The following UBA5 variants were observed in gnomAD, a reference collection of about 807,000 sequenced individuals.
UBA5 encodes the protein ubiquitin like modifier activating enzyme 5.
A neutral mutation model predicts 52.9 loss-of-function variants in UBA5; 28 were observed. That is an observed-to-expected ratio of 0.53 (90% CI 0.39 to 0.73). The LOEUF is 0.73. Among genes scored for constraint, UBA5 ranks in the 30% least tolerant of loss-of-function variants. The probability of loss-of-function intolerance (pLI) is 0.00; values close to 1 mark genes in which losing one functional copy is unlikely to be tolerated. For synonymous variants in UBA5, 135 were observed against 162.1 expected (o/e 0.83, Z 1.27); for missense variants, 388 against 492.7 (o/e 0.79, Z 2.01).
At position 132,677,647 on chromosome 3, in the gene UBA5, C is replaced by G. The variant is rs540654109; in HGVS notation, c.*1121C>G. The G allele has an allele frequency of 6.6e-6, 1 of 152,124 alleles. No individual in the cohort carries two copies. The highest frequency in any genetic ancestry group is 1.5e-5 in the Non-Finnish European group (1 of 68,000). The allele number at this position is 152,124 out of a possible 1,614,324, so 9.4% of individuals were successfully genotyped here. A position where few individuals can be genotyped will look rare whatever the true frequency, so the allele number is the denominator to read the frequency against. ...TGTAACCACTGCCAATAGGCTGTTT[C>G]TATGCTTATTTCCTATTTTGATTTT... On this transcript the variant is annotated 3_prime_UTR_variant, in exon 12 of 12. Transcript: ENST00000356232.
intron 3 of UBA5, chr3:132,667,889 C>CT (rs1433105111): frequency 1.5e-4 from 23 of 152,232 alleles, no homozygotes; most frequent in African/African-American, 5.1e-4. Flanking sequence ...CTTAAAGAAA[C>CT]TATGTTTTGG....
Position 132,660,383 on chromosome 3 carries a change from T to C in UBA5, c.-155T>C. 2 of 938,424 alleles carry C rather than the reference T, an allele frequency of 2.1e-6. No individual in the cohort carries two copies. Among genetic ancestry groups the C allele is most frequent in the Non-Finnish European group, 1.6e-6 (1 of 641,836 alleles). The allele number at this position is 938,424 out of a possible 1,614,324, so 58.1% of individuals were successfully genotyped here. On this transcript the variant is annotated 5_prime_UTR_variant, in exon 1 of 12. Transcript: ENST00000356232. The surrounding 1 kb of genome is among the most constrained non-coding windows in gnomAD (Gnocchi z 4.1). Reference sequence around the variant, plus strand: ...TGGGAGTCTCGGAGACGTGTCTGTCTGTGAGGCGCTGGGTGCACGTCCCCA... The same window carrying C: ...TGGGAGTCTCGGAGACGTGTCTGTCCGTGAGGCGCTGGGTGCACGTCCCCA...
At position 132,666,052 on chromosome 3, in the gene UBA5, G is replaced by C. The variant is rs762502767; in HGVS notation, c.276G>C (p.Leu92=). 4.0e-5 allele frequency: 64 copies of C among 1,613,362 alleles called. 1 individual carries two copies. The South Asian group carries it at 6.5e-4, about 16-fold the overall frequency. ...GGVGSVTAEM[L]TRCGIGKLLL... ...TAGGTAGTGTGACTGCTGAAATGCT[G>C]ACAAGATGTGGCATTGGTAAGGTAA... The change falls in exon 3 of 12, where the codon CTG becomes CTC. Residue 92 remains leucine, a synonymous_variant. Transcript: ENST00000356232.
At position 132,673,563 on chromosome 3, in the gene UBA5, T is replaced by G. The variant is rs145457912; in HGVS notation, c.812+1386T>G. On this transcript the variant is annotated intron_variant, in intron 8 of 11. Transcript: ENST00000356232. ...AGGTTTCACCATGTTGCTCAGGCTG[T>G]TCTTGAACTCCTGAGCTCAAGTAAT... Among the ~76,000 whole-genome samples, 181 of 152,176 alleles carry G rather than the reference T, an allele frequency of 1.2e-3. 1 individual carries two copies. Among genetic ancestry groups the G allele is most frequent in the African/African-American group, 3.7e-3 (155 of 41,524 alleles).
intron 1 of UBA5, among the ~76,000 whole-genome samples, chr3:132,662,603 A>G (rs906992008): frequency 1.3e-5 from 2 of 152,234 alleles, no homozygotes; most frequent in African/African-American, 2.4e-5. Context: ...AATTGCTTCA[A>G]GAGATACAAA....
chr3:132,676,653 T>G lies in UBA5; in HGVS notation c.*127T>G, dbSNP rs189743164. ...TATATTCTTACCTGAATTGTTATAC[T>G]TTTTGAAAATCCTGTGACTTGCCTG... On this transcript the variant is annotated 3_prime_UTR_variant, in exon 12 of 12. Coordinates refer to ENST00000356232, the MANE Select transcript of UBA5 (RefSeq NM_024818.6). This position sits in a 1 kb window ranked among gnomAD's most constrained non-coding sequence, Gnocchi z 4.1. The G allele has an allele frequency of 1.2e-5, 8 of 684,628 alleles. No homozygotes were observed. The highest frequency in any genetic ancestry group is 2.0e-5 in the Non-Finnish European group (8 of 402,682). 42.4% of individuals were successfully genotyped at this position (684,628 alleles called of 1,614,324 possible). A position where few individuals can be genotyped will look rare whatever the true frequency, so the allele number is the denominator to read the frequency against.
intron 4 of UBA5, 26 bp from the exon 5 acceptor site, chr3:132,670,172 A>C: frequency 8.8e-7 from 1 of 1,133,436 alleles, no homozygotes; most frequent in Non-Finnish European, 1.3e-6. Flanking sequence ...TTACAGGCTT[A>C]TAATCATTCC....
At chr3:132,664,335 G>A (rs1288388097) in intron 1 of UBA5, among the ~76,000 whole-genome samples, 1 of 152,110 alleles carries the variant, frequency 6.6e-6, no homozygotes, top group Non-Finnish European at 1.5e-5. Flanking sequence ...TATATGTGTA[G>A]CTTCCCACAA....
chr3:132,655,325 G>C (rs1377584934), intron 1 of UBA5, among the ~76,000 whole-genome samples: 1 of 152,092 alleles, frequency 6.6e-6, no homozygotes, highest in East Asian at 1.9e-4. Flanking sequence ...GTTGTTGTTT[G>C]TTTGTTTGTT....
At chr3:132,655,861 T>C (rs1005510001), upstream of UBA5, among the ~76,000 whole-genome samples, 7 of 152,268 alleles carry the variant, frequency 4.6e-5, no homozygotes, top group Non-Finnish European at 8.8e-5. Flanking sequence ...ACTTTCATTA[T>C]TGATTAATTC....
rs1938910942 is a variant in UBA5, at chr3:132,678,119, CTTT to C, written c.*1595_*1597del. The C allele has an allele frequency of 6.6e-6, 1 of 152,108 alleles. No individual in the cohort carries two copies. The highest frequency in any genetic ancestry group is 2.4e-5 in the African/African-American group (1 of 41,432). The allele number at this position is 152,108 out of a possible 1,614,324, so 9.4% of individuals were successfully genotyped here. A position where few individuals can be genotyped will look rare whatever the true frequency, so the allele number is the denominator to read the frequency against. On this transcript the variant is annotated 3_prime_UTR_variant, in exon 12 of 12. Coordinates refer to ENST00000356232, the MANE Select transcript of UBA5 (RefSeq NM_024818.6). ...TATCACATCTAGAATTCACTGTCTT[CTTT>C]TATCTGCTCTCAAGTTGGCATTGCA...
Position 132,675,512 on chromosome 3 carries a change from T to C in UBA5, c.949-93T>C, listed in dbSNP as rs569673213. On this transcript the variant is annotated intron_variant, in intron 9 of 11. Transcript: ENST00000356232. ...CAAAAATGAATGTTCTTTCTTGCTT[T>C]TGGTAAGATAAAAAGCCTGTCTGAA... 3.3e-5 allele frequency: 50 copies of C among 1,515,752 alleles called. No homozygotes were observed. The African/African-American group carries it at 6.4e-4, about 19-fold the overall frequency. 93.9% of individuals were successfully genotyped at this position (1,515,752 alleles called of 1,614,324 possible).
upstream of UBA5, among the ~76,000 whole-genome samples, chr3:132,655,980 C>A (rs1382541752): frequency 6.6e-6 from 1 of 152,142 alleles, no homozygotes; most frequent in African/African-American, 2.4e-5. Flanking sequence ...AATAGTAATG[C>A]CACAAACACC....
chr3:132,671,157 T>C, intron 6 of UBA5, 108 bp downstream of exon 6: 1 of 894,468 alleles, frequency 1.1e-6, no homozygotes, highest in Non-Finnish European at 1.7e-6. Flanking sequence ...GTAAACCCTT[T>C]TCTGTGTTTT....
chr3:132,668,486 G>A (rs964561127), intron 3 of UBA5: 3 of 159,212 alleles, frequency 1.9e-5, no homozygotes, highest in African/African-American at 7.2e-5. Flanking sequence ...TAATTTCTGA[G>A]TAAATTATTT....
chr3:132,667,093 T>C (rs2107933844), intron 3 of UBA5, among the ~76,000 whole-genome samples: 1 of 152,306 alleles, frequency 6.6e-6, no homozygotes, highest in Non-Finnish European at 1.5e-5. Context: ...TTGCTAGGAT[T>C]ACACCAGTAA....
chr3:132,658,689 C>G (rs980592470), upstream of UBA5, among the ~76,000 whole-genome samples: 3 of 152,176 alleles, frequency 2.0e-5, no homozygotes, highest in African/African-American at 7.2e-5. Context: ...AAATTCTACA[C>G]CCTAAAATGT....
rs1938127294 is a variant in UBA5 at position 132,660,916 on chromosome 3, G to C, written c.161+218G>C. On this transcript the variant is annotated intron_variant, in intron 1 of 11. Transcript: ENST00000356232. This position sits in a 1 kb window ranked among gnomAD's most constrained non-coding sequence, Gnocchi z 4.1. ...ACCTCCAGTGAGTCAGCCATATGGT[G>C]CTGCTCCTGTGCCTGCTGAGGACGT... 1 of 1,482,702 alleles carries C rather than the reference G, an allele frequency of 6.7e-7. No homozygotes were observed. Among genetic ancestry groups the C allele is most frequent in the Admixed American group, 2.2e-5 (1 of 45,056 alleles). 91.8% of individuals were successfully genotyped at this position (1,482,702 alleles called of 1,614,324 possible). A position where few individuals can be genotyped will look rare whatever the true frequency, so the allele number is the denominator to read the frequency against.
rs1399625603 is a variant in UBA5, at chr3:132,676,453, C to T, written c.1142C>T (p.Ser381Phe). The change falls in exon 12 of 12, where the codon TCT (serine) becomes TTT (phenylalanine). Residue 381 changes from serine (S) to phenylalanine (F), a missense_variant. Around this residue, in one of 3 missense-constraint regions of UBA5, gnomAD observed 277 missense variants for 326.4 expected, o/e 0.85. Coordinates refer to ENST00000356232, the MANE Select transcript of UBA5 (RefSeq NM_024818.6). The surrounding 1 kb of genome is among the most constrained non-coding windows in gnomAD (Gnocchi z 4.1). ...CTTATTTGTCAATAGCAAGAAGATT[C>T]TGTCACTGAGTTAACAGTGGAAGAT... Reference protein sequence around the residue: ...AYTIPKKQEDSVTELTVEDSG... With the variant: ...AYTIPKKQEDFVTELTVEDSG... 5.0e-6 allele frequency: 8 copies of T among 1,606,548 alleles called. No homozygotes were observed. The highest frequency in any genetic ancestry group is 6.8e-6 in the Non-Finnish European group (8 of 1,177,698).
Sources: gnomAD v4.1 joint callset for allele counts (sites outside exome capture counted in the v4.1 genomes callset) on GRCh38, gnomAD v4.1.1 for gene constraint, gnomAD v4.1.1 regional missense constraint, Gnocchi (gnomAD v3.1) non-coding constraint, MANE v1.5 for transcripts, NCBI Gene and HGNC (gene_info 2026-07-23, HGNC 2026-07-21) for gene names.